The following GRIA1 variants were observed in gnomAD, a reference collection of about 807,000 sequenced individuals.
GRIA1 encodes glutamate ionotropic receptor AMPA type subunit 1.
GRIA1 carries 31 observed loss-of-function variants against 99.2 expected under a neutral mutation model. The observed-to-expected ratio is 0.31, with a 90% CI of 0.23 to 0.42. GRIA1 has a LOEUF of 0.42. Among genes scored for constraint, GRIA1 ranks in the 10% least tolerant of loss-of-function variants. GRIA1 has a pLI of 1.00. For synonymous variants in GRIA1, 438 were observed against 432.4 expected (o/e 1.01, Z -0.16); for missense variants, 782 against 1,157.5 (o/e 0.68, Z 4.71).
intron 2 of GRIA1, among the ~76,000 whole-genome samples, chr5:153,640,160 T>C (rs1033069226): frequency 6.6e-6 from 1 of 152,224 alleles, no homozygotes; most frequent in African/African-American, 2.4e-5. Flanking sequence ...CCCAGCCCTG[T>C]TCTAATTCTT....
chr5:153,684,974 C>A (rs369472031), intron 7 of GRIA1, among the ~76,000 whole-genome samples: 4 of 152,192 alleles, frequency 2.6e-5, no homozygotes, highest in African/African-American at 9.7e-5. Context: ...CACACACACA[C>A]GCATTCTCTC....
intron 13 of GRIA1, among the ~76,000 whole-genome samples, chr5:153,774,075 C>CG (rs1284180302): frequency 1.2e-5 from 1 of 84,072 alleles, no homozygotes; most frequent in Non-Finnish European, 2.3e-5. Flanking sequence ...ACCCCCCCTC[C>CG]CCCCACACAC....
At chr5:153,579,110 A>C (rs1762823343) in intron 2 of GRIA1, among the ~76,000 whole-genome samples, 1 of 152,114 alleles carries the variant, frequency 6.6e-6, no homozygotes. Flanking sequence ...TAACAATATG[A>C]AAATGCTTTA....
intron 2 of GRIA1, among the ~76,000 whole-genome samples, chr5:153,526,110 C>G (rs1200443053): frequency 6.6e-6 from 1 of 152,144 alleles, no homozygotes; most frequent in African/African-American, 2.4e-5. Flanking sequence ...TCATGGGCCT[C>G]TGTTTCTTTA....
intron 2 of GRIA1, among the ~76,000 whole-genome samples, chr5:153,612,821 T>G (rs958737378): frequency 6.6e-6 from 1 of 152,194 alleles, no homozygotes; most frequent in Non-Finnish European, 1.5e-5. Context: ...CAGCAAGTTC[T>G]GAGAGCCAGC....
At chr5:153,759,727 A>C (rs1430524000) in intron 11 of GRIA1, among the ~76,000 whole-genome samples, 19 of 151,976 alleles carry the variant, frequency 1.3e-4, no homozygotes, top group Admixed American at 1.2e-3. Context: ...CCCTAATCCC[A>C]AAACCAGACA....
At chr5:153,572,881 G>A (rs1762239116) in intron 2 of GRIA1, among the ~76,000 whole-genome samples, 1 of 152,202 alleles carries the variant, frequency 6.6e-6, no homozygotes, top group Non-Finnish European at 1.5e-5. Context: ...TGTGGCGTTG[G>A]CATGGGAAGA....
intron 11 of GRIA1, among the ~76,000 whole-genome samples, chr5:153,722,113 C>T (rs1760113650): frequency 6.6e-6 from 1 of 152,130 alleles, no homozygotes; most frequent in South Asian, 2.1e-4. Flanking sequence ...AGTAGCTATC[C>T]TCTTTTATAA....
At chr5:153,695,590 C>G (rs150364134) in intron 8 of GRIA1, among the ~76,000 whole-genome samples, 1 of 152,186 alleles carries the variant, frequency 6.6e-6, no homozygotes, top group Non-Finnish European at 1.5e-5. Context: ...GTGGTCTCTG[C>G]GCCTCTGCTT....
chr5:153,724,713 A>C (rs1331219503), intron 11 of GRIA1, among the ~76,000 whole-genome samples: 1 of 152,210 alleles, frequency 6.6e-6, no homozygotes, highest in Non-Finnish European at 1.5e-5. Flanking sequence ...AATAAAAAGA[A>C]ATGAACAAAG....
intron 13 of GRIA1, among the ~76,000 whole-genome samples, chr5:153,779,923 G>C (rs1268943600): frequency 4.3e-4 from 65 of 152,112 alleles, no homozygotes; most frequent in Non-Finnish European, 2.9e-5. Context: ...ACATTAAAGA[G>C]AGAGAGGAGG....
chr5:153,742,616 T>A (rs373825082), intron 11 of GRIA1, among the ~76,000 whole-genome samples: 32 of 152,280 alleles, frequency 2.1e-4, no homozygotes, highest in African/African-American at 7.7e-4. Flanking sequence ...GAGACTAAGA[T>A]CTTGGTTTCT....
At chr5:153,658,792 T>A (rs191576154) in intron 5 of GRIA1, among the ~76,000 whole-genome samples, 1 of 152,292 alleles carries the variant, frequency 6.6e-6, no homozygotes, top group East Asian at 1.9e-4. Context: ...ATTTTACAGT[T>A]CTTTCTGTCC....
chr5:153,796,694 A>G (rs1175470648), intron 14 of GRIA1, among the ~76,000 whole-genome samples: 6 of 152,206 alleles, frequency 3.9e-5, no homozygotes, highest in Non-Finnish European at 8.8e-5. Flanking sequence ...GAGGTGGGCA[A>G]CACTCACTGT....
At chr5:153,807,824 AG>A (rs2149679806) in intron 15 of GRIA1, among the ~76,000 whole-genome samples, 1 of 152,336 alleles carries the variant, frequency 6.6e-6, no homozygotes, top group Non-Finnish European at 1.5e-5. Context: ...AGAGCAGCAA[AG>A]TATTATTCAC....
At chr5:153,587,738 G>A (rs1197956030) in intron 2 of GRIA1, among the ~76,000 whole-genome samples, 1 of 152,172 alleles carries the variant, frequency 6.6e-6, no homozygotes, top group Non-Finnish European at 1.5e-5. Flanking sequence ...CTCTGTCCCA[G>A]GCAATGTGGT....
At position 153,811,219 on chromosome 5, in the gene GRIA1, A is replaced by T; in HGVS notation, c.2715A>T (p.Gly905=). 1 of 1,613,364 alleles carries T rather than the reference A, an allele frequency of 6.2e-7. No homozygotes were observed. The highest frequency in any genetic ancestry group is 2.2e-5 in the East Asian group (1 of 44,844). ...HSSGMPLGAT[G]L ...CAGGGATGCCCTTGGGAGCCACGGG[A>T]TTGTAACTGGAGCAGATGGAGACCC... Residue 905 remains glycine (G), a synonymous_variant, in exon 16 of 16, where the codon GGA becomes GGT. Transcript: ENST00000285900.
At chr5:153,661,939 A>T (rs1755400833) in intron 5 of GRIA1, among the ~76,000 whole-genome samples, 1 of 152,186 alleles carries the variant, frequency 6.6e-6, no homozygotes, top group East Asian at 1.9e-4. Flanking sequence ...ATACCCAGTG[A>T]TGGAAAAGTC....
intron 2 of GRIA1, among the ~76,000 whole-genome samples, chr5:153,591,653 G>C (rs954370301): frequency 6.6e-6 from 1 of 152,178 alleles, no homozygotes; most frequent in Non-Finnish European, 1.5e-5. Flanking sequence ...AATAGAAGTT[G>C]GATGAACTAA....
Sources: gnomAD v4.1 joint callset for allele counts (sites outside exome capture counted in the v4.1 genomes callset) on GRCh38, gnomAD v4.1.1 for gene constraint, MANE v1.5 for transcripts, NCBI Gene and HGNC (gene_info 2026-07-23, HGNC 2026-07-21) for gene names.